The following NLRP5 variants were observed in gnomAD, a reference collection of about 807,000 sequenced individuals.
NLRP5 encodes NLR family pyrin domain containing 5.
A neutral mutation model predicts 113.1 loss-of-function variants in NLRP5; 93 were observed. The observed-to-expected ratio is 0.82, with a 90% CI of 0.70 to 0.98. The LOEUF (loss-of-function observed/expected upper bound fraction) is 0.98, where lower values mean the gene tolerates loss of function less well. NLRP5 is among the 50% of genes least tolerant of loss of function. The probability of loss-of-function intolerance (pLI) is 0.00; values close to 1 mark genes in which losing one functional copy is unlikely to be tolerated. For missense variants in NLRP5, 1,808 were observed against 1,514.3 expected (o/e 1.19, Z -3.22); for synonymous variants, 751 against 600.7 (o/e 1.25, Z -3.66).
At chr19:56,026,877 G>T in intron 6 of NLRP5, 36 bp from the exon 7 acceptor site, 1 of 1,533,166 alleles carries the variant, frequency 6.5e-7, no homozygotes, top group South Asian at 1.2e-5. Context: ...TGCCTGGTCT[G>T]TTTCCTGATT....
intron 13 of NLRP5, among the ~76,000 whole-genome samples, chr19:56,055,126 C>G (rs541715131): frequency 8.0e-5 from 12 of 150,284 alleles, no homozygotes; most frequent in African/African-American, 2.9e-4. Flanking sequence ...GTAGCTGGGA[C>G]TACAGGTGCC....
At chr19:55,988,856 C>G in the NLRP5 span, among the ~76,000 whole-genome samples, 8 of 152,112 alleles carry the variant, frequency 5.3e-5, no homozygotes, top group South Asian at 4.1e-4. Flanking sequence ...TCTTTGTCTT[C>G]TGTGTTTTGC....
intron 3 of NLRP5, among the ~76,000 whole-genome samples, chr19:56,013,837 A>G (rs1208181657): frequency 6.6e-6 from 1 of 151,732 alleles, no homozygotes; most frequent in Non-Finnish European, 1.5e-5. Flanking sequence ...TTGCTCCACT[A>G]TTTTTCATTG....
chr19:55,991,659 A>G, the NLRP5 span, among the ~76,000 whole-genome samples: 1 of 152,118 alleles, frequency 6.6e-6, no homozygotes, highest in East Asian at 1.9e-4. Context: ...CAATTTAATA[A>G]CTACATATAA....
intron 3 of NLRP5, among the ~76,000 whole-genome samples, chr19:56,010,112 G>A (rs960330217): frequency 2.6e-5 from 4 of 152,178 alleles, no homozygotes; most frequent in African/African-American, 7.2e-5. Flanking sequence ...CATCAGCCAC[G>A]TTAGGAGATC....
At chr19:56,005,574 T>TAC (rs74179655) in intron 2 of NLRP5, among the ~76,000 whole-genome samples, 3,308 of 128,322 alleles carry the variant, frequency 0.026, 299 homozygotes, top group African/African-American at 0.093. Flanking sequence ...TATATATTTA[T>TAC]ACACACACGC....
the NLRP5 span, among the ~76,000 whole-genome samples, chr19:55,991,495 T>G: frequency 6.6e-6 from 1 of 152,158 alleles, no homozygotes; most frequent in Non-Finnish European, 1.5e-5. Flanking sequence ...CATTGAGCCT[T>G]TTATCTAGCA....
chr19:56,017,918 G>T (rs1982469839), intron 4 of NLRP5, among the ~76,000 whole-genome samples: 1 of 152,168 alleles, frequency 6.6e-6, no homozygotes, highest in African/African-American at 2.4e-5. Context: ...GGTTTAAGCA[G>T]TTCTTGTGCC....
At chr19:56,037,936 G>A (rs966259168) in intron 9 of NLRP5, 89 bp from the exon 10 acceptor site, 174 of 1,362,140 alleles carry the variant, frequency 1.3e-4, no homozygotes, top group Non-Finnish European at 1.7e-4. Flanking sequence ...CCAGGAAAAC[G>A]GCCAGCGCTG....
At chr19:55,994,978 A>AG (rs1284068162), upstream of NLRP5, among the ~76,000 whole-genome samples, 4 of 152,222 alleles carry the variant, frequency 2.6e-5, no homozygotes, top group African/African-American at 9.6e-5. Context: ...CCGTTTTCGC[A>AG]GTACCACCTA....
intron 2 of NLRP5, among the ~76,000 whole-genome samples, chr19:56,008,581 C>G (rs62123589): frequency 3.3e-5 from 5 of 152,034 alleles, no homozygotes; most frequent in Admixed American, 6.6e-5. Context: ...GAATTCTTCA[C>G]AAACCTCTGT....
chr19:56,034,187 A>G (rs886915411), intron 9 of NLRP5, among the ~76,000 whole-genome samples: 6 of 152,112 alleles, frequency 3.9e-5, no homozygotes, highest in East Asian at 1.9e-4. Flanking sequence ...TCAGGAGTTC[A>G]AGACCAGCCT....
chr19:56,035,706 C>G (rs1344711615), intron 9 of NLRP5, among the ~76,000 whole-genome samples: 3 of 152,202 alleles, frequency 2.0e-5, no homozygotes, highest in African/African-American at 7.2e-5. Context: ...CTTCTCTTCA[C>G]TCCTGTATTC....
At position 56,007,898 on chromosome 19, in the gene NLRP5, CGCGTGCGTGTGTGTGT is replaced by C. The variant is rs1317337521; in HGVS notation, c.443-888_443-873del. Among the ~76,000 whole-genome samples the C allele has an allele frequency of 1.7e-4, 7 of 41,400 alleles. 1 individual carries two copies. The highest frequency in any genetic ancestry group is 4.0e-4 in the Non-Finnish European group (7 of 17,514). 27.2% of individuals were successfully genotyped at this position (41,400 alleles called of 152,430 possible). On this transcript the variant is annotated intron_variant, in intron 2 of 14. Transcript: ENST00000390649. ...GTGTGTGTGTGTGTGTGCGCGTGCG[CGCGTGCGTGTGTGTGT>C]GTGTGTGTGTGTGTGTGTGTTTGAA...
At chr19:55,988,415 T>C in the NLRP5 span, 4 of 134,716 alleles carry the variant, frequency 3.0e-5, no homozygotes, top group Non-Finnish European at 6.2e-5. Context: ...AAAAAATACA[T>C]ATACACATAA....
At chr19:56,011,375 G>T (rs971861224) in intron 3 of NLRP5, among the ~76,000 whole-genome samples, 8 of 151,992 alleles carry the variant, frequency 5.3e-5, no homozygotes, top group African/African-American at 1.9e-4. Context: ...AGAGGGCAGG[G>T]TTTTTCTCGT....
At chr19:56,050,772 C>T (rs187445222) in intron 12 of NLRP5, among the ~76,000 whole-genome samples, 184 bp downstream of exon 12, 2 of 152,214 alleles carry the variant, frequency 1.3e-5, no homozygotes, top group East Asian at 1.9e-4. Flanking sequence ...TGGGAAGGGC[C>T]GATGGAGCCT....
At chr19:56,002,418 G>A (rs1336113313) in intron 1 of NLRP5, among the ~76,000 whole-genome samples, 1 of 151,174 alleles carries the variant, frequency 6.6e-6, no homozygotes, top group Non-Finnish European at 1.5e-5. Context: ...CCCTGTAACT[G>A]GTTATTAGTA....
At chr19:55,997,261 T>C (rs1466745471), upstream of NLRP5, among the ~76,000 whole-genome samples, 2 of 152,202 alleles carry the variant, frequency 1.3e-5, no homozygotes, top group African/African-American at 4.8e-5. Context: ...GTTTTTGTCC[T>C]TCAGTCTGCT....
Sources: allele counts gnomAD v4.1 joint callset (sites outside exome capture counted in the v4.1 genomes callset), GRCh38; gene constraint gnomAD v4.1.1; transcripts MANE v1.5; gene names NCBI Gene and HGNC (gene_info 2026-07-23, HGNC 2026-07-21).